NKAIN1: variants seen among roughly 807,000 people sequenced by gnomAD.
The protein encoded by NKAIN1 is sodium/potassium-transporting ATPase subunit beta-1-interacting protein 1.
NKAIN1 carries 13 observed loss-of-function variants against 31.6 expected under a neutral mutation model. The observed-to-expected ratio is 0.41, with a 90% CI of 0.27 to 0.65. NKAIN1 has a LOEUF of 0.65. NKAIN1 is among the 30% of genes least tolerant of loss of function. The probability of loss-of-function intolerance (pLI) is 0.30; values close to 1 mark genes in which losing one functional copy is unlikely to be tolerated. For missense variants in NKAIN1, 193 were observed against 262.2 expected (o/e 0.74, Z 1.82); for synonymous variants, 104 against 109.0 (o/e 0.95, Z 0.28).
intron 3 of NKAIN1, 184 bp downstream of exon 3, chr1:31,185,063 G>A: frequency 1.7e-6 from 1 of 601,006 alleles, no homozygotes; most frequent in Non-Finnish European, 3.1e-6. Flanking sequence ...CTCCATCATT[G>A]TGTTTGAGGA....
intron 1 of NKAIN1, among the ~76,000 whole-genome samples, chr1:31,220,772 A>AAAAAAAG (rs1213472698): frequency 2.0e-5 from 3 of 151,676 alleles, no homozygotes; most frequent in African/African-American, 7.3e-5. Flanking sequence ...AAAAAAAAAA[A>AAAAAAAG]AAAGCATCCA....
chr1:31,220,077 G>A (rs562724177), intron 1 of NKAIN1, among the ~76,000 whole-genome samples: 25 of 145,752 alleles, frequency 1.7e-4, no homozygotes, highest in African/African-American at 6.3e-4. Context: ...GCGTGATCTC[G>A]GCTCACTGCA....
intron 1 of NKAIN1, among the ~76,000 whole-genome samples, chr1:31,224,754 G>A (rs1364296786): frequency 2.6e-5 from 4 of 152,188 alleles, no homozygotes; most frequent in Admixed American, 6.5e-5. Context: ...TTCCCCACCC[G>A]GTGTCCCACC....
rs139185822 is a variant in NKAIN1 at position 31,234,602 on chromosome 1, G to A, written c.54+4892C>T. ...GAGATGACTCTTCCTCTTTTACAAAGGAAGAAACTGTGGCCAGAGGAGTGA... is the reference window on the plus strand; with the variant it reads ...GAGATGACTCTTCCTCTTTTACAAAAGAAGAAACTGTGGCCAGAGGAGTGA... On this transcript the variant is annotated intron_variant, in intron 1 of 6. Transcript: ENST00000373736. Among the ~76,000 whole-genome samples, 1,144 of 152,262 alleles carry A rather than the reference G, an allele frequency of 7.5e-3. 21 individuals carry two copies. Among genetic ancestry groups the A allele is most frequent in the African/African-American group, 0.026 (1,082 of 41,532 alleles).
Position 31,182,550 on chromosome 1 carries a change from A to G in NKAIN1, c.512T>C (p.Phe171Ser). The change falls in exon 5 of 7, where the codon TTC (phenylalanine) becomes TCC (serine). Residue 171 changes from phenylalanine (F) to serine (S), a missense_variant. Physicochemically the swap from Phe to Ser is radical, Grantham distance 155 (BLOSUM62 -2). Coordinates refer to ENST00000373736, the MANE Select transcript of NKAIN1 (RefSeq NM_024522.3). ...FVFACYVSKVFLEEEDSFDFI... is the reference protein window; with the variant it reads ...FVFACYVSKVSLEEEDSFDFI... ...CTCACAGCTGTCCTCCTCCTCCAGG[A>G]ACACTTTGCTCACGTAGCAGGCGAA... The G allele has an allele frequency of 6.2e-7, 1 of 1,614,108 alleles. No homozygotes were observed. The highest frequency in any genetic ancestry group is 1.1e-5 in the South Asian group (1 of 91,080).
At chr1:31,226,594 G>A (rs572108044) in intron 1 of NKAIN1, among the ~76,000 whole-genome samples, 4 of 150,330 alleles carry the variant, frequency 2.7e-5, no homozygotes, top group South Asian at 2.1e-4. Context: ...GCACAATCCC[G>A]GTTTACTGCA....
intron 1 of NKAIN1, 95 bp from the exon 2 acceptor site, chr1:31,188,282 C>T (rs1251751070): frequency 7.3e-7 from 1 of 1,375,552 alleles, no homozygotes; most frequent in African/African-American, 1.4e-5. Flanking sequence ...CACCAGTTAC[C>T]ATGGTGATGA....
intron 4 of NKAIN1, 102 bp from the exon 5 acceptor site, chr1:31,182,692 T>A: frequency 7.7e-7 from 1 of 1,291,898 alleles, no homozygotes. Flanking sequence ...GGAGGAGGCA[T>A]GCCAGGATGA....
intron 1 of NKAIN1, among the ~76,000 whole-genome samples, chr1:31,201,898 T>A (rs2148355616): frequency 6.6e-6 from 1 of 152,284 alleles, no homozygotes; most frequent in Non-Finnish European, 1.5e-5. Context: ...GGAGGGGTAA[T>A]CTTCCTCCTC....
At chr1:31,219,419 C>T (rs527386695) in intron 1 of NKAIN1, among the ~76,000 whole-genome samples, 3 of 152,356 alleles carry the variant, frequency 2.0e-5, no homozygotes, top group Non-Finnish European at 2.9e-5. Context: ...GGAGAAGCCC[C>T]GGCACGCCCT....
chr1:31,186,726 T>C (rs1570449910), intron 2 of NKAIN1, among the ~76,000 whole-genome samples: 1 of 152,166 alleles, frequency 6.6e-6, no homozygotes, highest in East Asian at 1.9e-4. Context: ...GCTCTATAAA[T>C]TGTACTTGAA....
chr1:31,182,689 G>A (rs1000961858), intron 4 of NKAIN1, 99 bp from the exon 5 acceptor site: 6 of 1,321,630 alleles, frequency 4.5e-6, no homozygotes, highest in Non-Finnish European at 6.4e-6. Flanking sequence ...AAGGGAGGAG[G>A]CATGCCAGGA....
Position 31,202,299 on chromosome 1 carries a change from T to A in NKAIN1, c.55-14112A>T, listed in dbSNP as rs544918912. ...TAGAACAAAGTGCCTGGCAGTGATC[T>A]AATTAGCATATATCTACATTAATTT... On this transcript the variant is annotated intron_variant, in intron 1 of 6. Transcript: ENST00000373736. 1.1e-4 allele frequency among the ~76,000 whole-genome samples: 16 copies of A among 152,330 alleles called. No homozygotes were observed. The East Asian group carries it at 3.1e-3, about 29-fold the overall frequency.
chr1:31,224,636 T>C (rs951014424), intron 1 of NKAIN1, among the ~76,000 whole-genome samples: 2 of 152,134 alleles, frequency 1.3e-5, no homozygotes, highest in African/African-American at 4.8e-5. Flanking sequence ...TAACAAGAAG[T>C]TTCCTAATAG....
At chr1:31,222,333 G>T (rs563715271) in intron 1 of NKAIN1, among the ~76,000 whole-genome samples, 1 of 152,234 alleles carries the variant, frequency 6.6e-6, no homozygotes, top group Non-Finnish European at 1.5e-5. Context: ...ATCTTCACAC[G>T]TGAAAGGGAA....
intron 2 of NKAIN1, among the ~76,000 whole-genome samples, chr1:31,187,031 G>A (rs954905876): frequency 6.6e-6 from 1 of 152,188 alleles, no homozygotes; most frequent in Non-Finnish European, 1.5e-5. Flanking sequence ...TAGTGTTGTT[G>A]ACAGTGGTGT....
At chr1:31,237,561 G>A (rs540453935) in intron 1 of NKAIN1, among the ~76,000 whole-genome samples, 31 of 151,328 alleles carry the variant, frequency 2.0e-4, no homozygotes, top group South Asian at 8.3e-4. Context: ...GTGCAGCGGC[G>A]TGATCTCATC....
chr1:31,238,163 G>A (rs964883929), intron 1 of NKAIN1, among the ~76,000 whole-genome samples: 1 of 152,184 alleles, frequency 6.6e-6, no homozygotes, highest in African/African-American at 2.4e-5. Flanking sequence ...CAGAGCTAGG[G>A]CTGTTTCCAC....
At chr1:31,229,748 C>A (rs1024955928) in intron 1 of NKAIN1, among the ~76,000 whole-genome samples, 15 of 152,092 alleles carry the variant, frequency 9.9e-5, no homozygotes, top group Admixed American at 9.8e-4. Context: ...CAGGCCCTGA[C>A]ACTCCATCAG....
Sources: gnomAD v4.1 joint callset for allele counts (sites outside exome capture counted in the v4.1 genomes callset) on GRCh38, gnomAD v4.1.1 for gene constraint, MANE v1.5 for transcripts, NCBI Gene and HGNC (gene_info 2026-07-23, HGNC 2026-07-21) for gene names.